Variants in HACL2 observed in about 807,000 individuals in gnomAD.
The protein encoded by HACL2 is 2-hydroxyacyl-CoA lyase 2.
At chr19:15,116,881 G>A in the HACL2 span, 6 of 276,536 alleles carry the variant, frequency 2.2e-5, no homozygotes, top group Admixed American at 5.0e-5. Context: ...ACGTGGAAGC[G>A]CACAGCGAAC....
At chr19:15,121,231 C>T in the HACL2 span, among the ~76,000 whole-genome samples, 1 of 152,092 alleles carries the variant, frequency 6.6e-6, no homozygotes, top group Non-Finnish European at 1.5e-5. Context: ...TGCGCTCCAA[C>T]CTGGGGGACA....
the HACL2 span, among the ~76,000 whole-genome samples, chr19:15,121,478 GGAA>G: frequency 3.9e-5 from 6 of 152,140 alleles, no homozygotes; most frequent in East Asian, 9.7e-4. Flanking sequence ...GAGAGAAGGA[GGAA>G]GAAGAGGAAG....
chr19:15,120,400 G>A, the HACL2 span, among the ~76,000 whole-genome samples: 1 of 152,190 alleles, frequency 6.6e-6, no homozygotes, highest in Non-Finnish European at 1.5e-5. Context: ...CTTCCTAGCT[G>A]TGCAACTTAG....
the HACL2 span, chr19:15,122,715 G>C: frequency 6.2e-7 from 1 of 1,614,196 alleles, no homozygotes; most frequent in Non-Finnish European, 8.5e-7. This position sits in a 1 kb window ranked among gnomAD's most constrained non-coding sequence, Gnocchi z 4.0. Flanking sequence ...CGGCCCACGA[G>C]GCCCTTGGGT....
chr19:15,119,227 G>T, the HACL2 span: 6 of 1,608,828 alleles, frequency 3.7e-6, no homozygotes, highest in South Asian at 5.6e-5. Flanking sequence ...GGATGTGGAG[G>T]GGGTGGTTGC....
the HACL2 span, chr19:15,124,540 C>T: frequency 3.3e-5 from 8 of 241,156 alleles, no homozygotes; most frequent in South Asian, 5.0e-4. Flanking sequence ...CAGTACTGAG[C>T]TCAGCAGAGG....
the HACL2 span, chr19:15,116,243 G>A: frequency 6.2e-7 from 1 of 1,614,000 alleles, no homozygotes. Flanking sequence ...GAATTGAGTT[G>A]TCAGGTAGCG....
the HACL2 span, chr19:15,116,613 A>G: frequency 1.0e-6 from 1 of 999,602 alleles, no homozygotes; most frequent in South Asian, 1.4e-5. Context: ...AGCCAGCAGC[A>G]GCATCCGAGC....
chr19:15,123,668 G>T, the HACL2 span: 1 of 1,182,844 alleles, frequency 8.5e-7, no homozygotes, highest in Non-Finnish European at 1.2e-6. The surrounding 1 kb of genome is among the most constrained non-coding windows in gnomAD (Gnocchi z 5.1). Flanking sequence ...AGGTAAGGGG[G>T]CAGGAGCAGG....
At chr19:15,124,948 G>GC in the HACL2 span, 3 of 1,607,642 alleles carry the variant, frequency 1.9e-6, no homozygotes, top group Non-Finnish European at 2.5e-6. Flanking sequence ...TGATAGAAGA[G>GC]CCCCAGGCGG....
chr19:15,115,820 C>T, the HACL2 span: 1 of 1,610,464 alleles, frequency 6.2e-7, no homozygotes, highest in African/African-American at 1.3e-5. Context: ...AACCCCAGGC[C>T]CTAAGCTTCC....
chr19:15,115,702 C>A, the HACL2 span: 1 of 1,601,028 alleles, frequency 6.2e-7, no homozygotes, highest in East Asian at 2.2e-5. Context: ...CAGGCCGCAG[C>A]CTTCAGCCCC....
At chr19:15,122,390 GGAGGAGGAA>G in the HACL2 span, among the ~76,000 whole-genome samples, 148 of 152,234 alleles carry the variant, frequency 9.7e-4, no homozygotes, top group Middle Eastern at 0.031. This position sits in a 1 kb window ranked among gnomAD's most constrained non-coding sequence, Gnocchi z 4.0. Context: ...GAAGGAAGAG[GGAGGAGGAA>G]GAGGAGGAAG....
At chr19:15,122,582 C>G in the HACL2 span, 560 of 878,668 alleles carry the variant, frequency 6.4e-4, 7 homozygotes, top group East Asian at 0.014. The surrounding 1 kb of genome is among the most constrained non-coding windows in gnomAD (Gnocchi z 4.0). Flanking sequence ...GCTCTCCCCC[C>G]AGCTGTCTCC....
chr19:15,120,059 T>A, the HACL2 span: 2 of 1,550,482 alleles, frequency 1.3e-6, no homozygotes, highest in Non-Finnish European at 1.7e-6. Context: ...GCAAAGAGGT[T>A]GGCCAGGTAA....
At chr19:15,115,325 C>T in the HACL2 span, 53 of 1,614,152 alleles carry the variant, frequency 3.3e-5, no homozygotes, top group Admixed American at 5.0e-5. Context: ...GTGGCCGTCT[C>T]GGCACTGCTG....
chr19:15,125,103 G>A, the HACL2 span: 2 of 1,486,726 alleles, frequency 1.3e-6, no homozygotes, highest in Non-Finnish European at 1.8e-6. Flanking sequence ...AGACTTGGGC[G>A]CGACAGGGAA....
At chr19:15,123,871 G>A in the HACL2 span, 1 of 463,128 alleles carries the variant, frequency 2.2e-6, no homozygotes, top group Non-Finnish European at 3.9e-6. This position sits in a 1 kb window ranked among gnomAD's most constrained non-coding sequence, Gnocchi z 5.1. Context: ...CTGTTACACT[G>A]CCTGTCTCCA....
At chr19:15,125,008 G>A in the HACL2 span, 1 of 1,588,074 alleles carries the variant, frequency 6.3e-7, no homozygotes, top group Non-Finnish European at 8.6e-7. Flanking sequence ...GCCAGGAGCA[G>A]GAAGGAGGGG....
Sources: gnomAD v4.1 joint callset for allele counts (sites outside exome capture counted in the v4.1 genomes callset) on GRCh38, gnomAD v4.1.1 for gene constraint, Gnocchi (gnomAD v3.1) non-coding constraint, MANE v1.5 for transcripts, NCBI Gene and HGNC (gene_info 2026-07-23, HGNC 2026-07-21) for gene names.